Variants in LRBA observed in about 807,000 individuals in gnomAD.
The protein encoded by LRBA is LPS responsive beige-like anchor protein, also known as lipopolysaccharide-responsive and beige-like anchor protein.
Under a neutral mutation model 330.0 loss-of-function variants are expected in LRBA, and 176 were observed. The observed-to-expected ratio is 0.53, with a 90% confidence interval of 0.47 to 0.60. The LOEUF (loss-of-function observed/expected upper bound fraction) is 0.60, where lower values mean the gene tolerates loss of function less well. Among genes scored for constraint, LRBA ranks in the 20% least tolerant of loss-of-function variants. The pLI, the probability that LRBA is intolerant of heterozygous loss-of-function variation, is 0.00. For synonymous variants in LRBA, 1,230 were observed against 1,193.0 expected, an observed-to-expected ratio of 1.03 and a Z score of -0.64; for missense variants, 3,259 against 3,444.8, an observed-to-expected ratio of 0.95 and a Z score of 1.35.
intron 2 of LRBA, among the ~76,000 whole-genome samples, chr4:150,982,324 A>G (rs1740939191): frequency 2.0e-5 from 3 of 152,170 alleles, no homozygotes; most frequent in African/African-American, 4.8e-5. Context: ...ATATATAGCT[A>G]TTAAAATATG....
intron 2 of LRBA, among the ~76,000 whole-genome samples, chr4:150,975,543 AAAAAG>A (rs1740064244): frequency 6.6e-6 from 1 of 151,802 alleles, no homozygotes; most frequent in African/African-American, 2.4e-5. Flanking sequence ...CAAAAAAAAA[AAAAAG>A]AAAGAAAGAA....
At chr4:150,998,502 C>A (rs1174399710) in intron 2 of LRBA, among the ~76,000 whole-genome samples, 1 of 152,026 alleles carries the variant, frequency 6.6e-6, no homozygotes, top group Non-Finnish European at 1.5e-5. Context: ...TACAGGCACA[C>A]ACTACCACGT....
chr4:150,440,655 T>C (rs886333685), intron 44 of LRBA, among the ~76,000 whole-genome samples: 1 of 151,894 alleles, frequency 6.6e-6, no homozygotes, highest in African/African-American at 2.4e-5. Context: ...ATGCCTATAG[T>C]CCCAACTACT....
chr4:150,436,235 T>A (rs1751091604), intron 45 of LRBA, among the ~76,000 whole-genome samples: 1 of 152,228 alleles, frequency 6.6e-6, no homozygotes, highest in African/African-American at 2.4e-5. Flanking sequence ...ATTAATGATG[T>A]GCTGCTAATG....
chr4:150,710,085 G>C (rs548707728), intron 36 of LRBA, among the ~76,000 whole-genome samples: 6 of 152,110 alleles, frequency 3.9e-5, no homozygotes, highest in African/African-American at 1.4e-4. Context: ...AGAAAATATA[G>C]GTGGGGAAGA....
intron 47 of LRBA, among the ~76,000 whole-genome samples, chr4:150,352,788 A>G (rs1369920748): frequency 1.3e-5 from 2 of 152,194 alleles, no homozygotes; most frequent in African/African-American, 4.8e-5. Flanking sequence ...ATGACACATA[A>G]AAACAGCAAT....
chr4:150,597,019 T>A (rs1773567371), intron 38 of LRBA: 2 of 822,462 alleles, frequency 2.4e-6, no homozygotes, highest in Admixed American at 2.4e-5. Flanking sequence ...GCAAGTTTTG[T>A]TTTTAACATT....
At chr4:150,501,929 G>A (rs1760332912) in intron 40 of LRBA, among the ~76,000 whole-genome samples, 1 of 152,174 alleles carries the variant, frequency 6.6e-6, no homozygotes, top group Admixed American at 6.5e-5. Flanking sequence ...ACACCATCTG[G>A]AAAGACTTTG....
chr4:150,849,526 T>C lies in LRBA; in HGVS notation c.4054A>G (p.Ile1352Val), dbSNP rs1750340308. ...AGATGAATTGTGTTGTGTACAAAGA[T>C]GACATTATCACTGCTATTCACGAAG... Reference protein sequence around the residue: ...MDFVNSSDNVIFVHNTIHLIS... With the variant: ...MDFVNSSDNVVFVHNTIHLIS... Residue 1352 changes from isoleucine (I) to valine (V), a missense_variant, in exon 25 of 57, where the codon ATC (isoleucine) becomes GTC (valine). Ile to Val is a conservative substitution (Grantham distance 29). Coordinates refer to ENST00000651943, the MANE Select transcript of LRBA (RefSeq NM_001364905.1). The C allele has an allele frequency of 5.0e-6, 8 of 1,613,314 alleles. No individual in the cohort carries two copies. The South Asian group carries it at 6.6e-5, about 13-fold the overall frequency.
At chr4:150,376,349 C>T (rs1369897786) in intron 47 of LRBA, among the ~76,000 whole-genome samples, 1 of 151,944 alleles carries the variant, frequency 6.6e-6, no homozygotes, top group Non-Finnish European at 1.5e-5. Flanking sequence ...ATGAATAAAA[C>T]AAAAATGTTT....
chr4:150,708,743 C>T (rs983429404), intron 36 of LRBA, among the ~76,000 whole-genome samples: 3 of 151,564 alleles, frequency 2.0e-5, no homozygotes, highest in African/African-American at 7.3e-5. Flanking sequence ...CATTTCTTAT[C>T]GGTATTTTAA....
chr4:150,559,921 A>AATATATATATCT (rs1561352874), intron 40 of LRBA, among the ~76,000 whole-genome samples: 8 of 70,094 alleles, frequency 1.1e-4, no homozygotes, highest in African/African-American at 4.5e-4. Context: ...ATAATATATA[A>AATATATATATCT]ATATAAATAT....
intron 2 of LRBA, among the ~76,000 whole-genome samples, chr4:150,949,043 A>T (rs1036234302): frequency 6.6e-6 from 1 of 152,112 alleles, no homozygotes; most frequent in South Asian, 2.1e-4. Flanking sequence ...ATTTAAAAAA[A>T]AAAAACTAAA....
At chr4:150,623,544 T>A (rs892270105) in intron 37 of LRBA, among the ~76,000 whole-genome samples, 2 of 152,164 alleles carry the variant, frequency 1.3e-5, no homozygotes, top group Non-Finnish European at 2.9e-5. Flanking sequence ...TAGCCACATT[T>A]ATATTTTTAA....
chr4:150,430,230 TAATTAAC>T (rs780357319), intron 46 of LRBA, among the ~76,000 whole-genome samples: 4 of 152,154 alleles, frequency 2.6e-5, no homozygotes, highest in Non-Finnish European at 5.9e-5. Context: ...GCTCCTTGCC[TAATTAAC>T]AACTTACTGA....
In LRBA at chr4:150,901,977, G is replaced by A. The variant is rs550234295; in HGVS notation, c.1756-1760C>T. On this transcript the variant is annotated intron_variant, in intron 13 of 56. Transcript: ENST00000651943. ...TAACACTGTATCATGGAAATACAGT[G>A]GCACATATGCTGTCCCTAAGTAGCT... 3.9e-5 allele frequency among the ~76,000 whole-genome samples: 6 copies of A among 152,006 alleles called. No individual in the cohort carries two copies. In the South Asian group the frequency reaches 8.3e-4, roughly 21 times the overall value.
At chr4:150,853,875 C>A (rs1050452081) in intron 22 of LRBA, among the ~76,000 whole-genome samples, 1 of 152,066 alleles carries the variant, frequency 6.6e-6, no homozygotes, top group Admixed American at 6.6e-5. Context: ...GTTTATTAAT[C>A]CCAAAAGTGT....
intron 46 of LRBA, among the ~76,000 whole-genome samples, chr4:150,434,849 C>A (rs1750898733): frequency 6.6e-6 from 1 of 151,292 alleles, no homozygotes; most frequent in South Asian, 2.1e-4. Flanking sequence ...CAAAGCGAGA[C>A]CTTGTTTCAA....
At chr4:150,961,993 G>C (rs904899444) in intron 2 of LRBA, among the ~76,000 whole-genome samples, 1 of 149,344 alleles carries the variant, frequency 6.7e-6, no homozygotes, top group Admixed American at 6.6e-5. Flanking sequence ...CAAGATCTCA[G>C]AGGCAAGAAG....
Sources: gnomAD v4.1 joint callset for allele counts (sites outside exome capture counted in the v4.1 genomes callset) on GRCh38, gnomAD v4.1.1 for gene constraint, MANE v1.5 for transcripts, NCBI Gene and HGNC (gene_info 2026-07-23, HGNC 2026-07-21) for gene names.